Variants in NTM observed in about 807,000 individuals in gnomAD.
NTM encodes the protein IgLON family member 2.
Under a neutral mutation model 42.1 loss-of-function variants are expected in NTM, and 13 were observed. The ratio of observed to expected loss-of-function variants is 0.31; its 90% CI spans 0.20 to 0.49. The LOEUF (loss-of-function observed/expected upper bound fraction) is 0.49, where lower values mean the gene tolerates loss of function less well. NTM is among the 20% of genes least tolerant of loss of function. The pLI is 0.99. For missense variants in NTM, 373 were observed against 452.8 expected, an observed-to-expected ratio of 0.82 and a Z score of 1.60; for synonymous variants, 187 against 179.2, an observed-to-expected ratio of 1.04 and a Z score of -0.35.
At chr11:131,908,910 T>C (rs61344682) in intron 1 of NTM, among the ~76,000 whole-genome samples, 19,504 of 152,240 alleles carry the variant, frequency 0.13, 1,341 homozygotes, top group African/African-American at 0.15. Context: ...GCAGATGTAA[T>C]TGTTTATTCC....
At chr11:132,314,516 C>CTTGT (rs771073275) in intron 6 of NTM, 36 bp from the exon 7 acceptor site, 1 of 1,588,280 alleles carries the variant, frequency 6.3e-7, no homozygotes, top group Non-Finnish European at 8.6e-7. Flanking sequence ...ACATAACCAT[C>CTTGT]TTGTTTTCTT....
At chr11:131,521,422 T>TTTTGTTGG in intron 1 of NTM, among the ~76,000 whole-genome samples, 1 of 81,794 alleles carries the variant, frequency 1.2e-5, no homozygotes, top group Non-Finnish European at 2.2e-5. Context: ...TTTTTTTTTT[T>TTTTGTTGG]GAGACGGGAG....
At chr11:131,812,783 A>G (rs1414018034) in intron 1 of NTM, among the ~76,000 whole-genome samples, 1 of 152,178 alleles carries the variant, frequency 6.6e-6, no homozygotes. Context: ...TGGAGAGGGA[A>G]GATGACTGCA....
chr11:132,104,765 C>T (rs1444195703), intron 2 of NTM, among the ~76,000 whole-genome samples: 1 of 149,084 alleles, frequency 6.7e-6, no homozygotes, highest in African/African-American at 2.5e-5. Flanking sequence ...ATTATCTGAG[C>T]ATGGTGGTAC....
chr11:131,383,784 A>T (rs1380893109), intron 1 of NTM, among the ~76,000 whole-genome samples: 2 of 152,142 alleles, frequency 1.3e-5, no homozygotes, highest in Non-Finnish European at 2.9e-5. Context: ...AAACAACATG[A>T]TTTGGGTTCG....
intron 1 of NTM, among the ~76,000 whole-genome samples, chr11:131,880,326 C>G (rs7101789): frequency 0.36 from 54,576 of 152,032 alleles, 10,398 homozygotes; most frequent in East Asian, 0.5. Context: ...GCAAACAGAC[C>G]TGGATCTAAT....
chr11:132,109,817 C>G (rs1259090939), intron 2 of NTM, among the ~76,000 whole-genome samples: 1 of 152,200 alleles, frequency 6.6e-6, no homozygotes, highest in Non-Finnish European at 1.5e-5. Flanking sequence ...TTCCAAATCC[C>G]AAAGTCCATT....
chr11:132,181,820 ACTATGTATGCAAATT>A (rs1374667284), intron 3 of NTM, among the ~76,000 whole-genome samples: 1 of 152,046 alleles, frequency 6.6e-6, no homozygotes, highest in East Asian at 1.9e-4. Flanking sequence ...TGCATTTTTA[ACTATGTATGCAAATT>A]CCTTGACCAG....
At chr11:131,371,497 C>G (rs1299344143) in intron 1 of NTM, among the ~76,000 whole-genome samples, 2 of 151,438 alleles carry the variant, frequency 1.3e-5, no homozygotes, top group Non-Finnish European at 2.9e-5. Flanking sequence ...GGTGTGGAAG[C>G]GAGGGGAGCC....
intron 3 of NTM, among the ~76,000 whole-genome samples, chr11:132,172,117 A>G (rs1002944289): frequency 6.6e-6 from 1 of 152,204 alleles, no homozygotes; most frequent in South Asian, 2.1e-4. Context: ...AGTGACCAAA[A>G]TGAGTTAAGT....
chr11:132,307,270 T>C (rs2095122238), intron 4 of NTM, among the ~76,000 whole-genome samples: 1 of 152,260 alleles, frequency 6.6e-6, no homozygotes, highest in Non-Finnish European at 1.5e-5. Flanking sequence ...AATTAATTTA[T>C]GCTCAAGTGT....
At chr11:131,933,640 G>C (rs1022497846) in intron 2 of NTM, among the ~76,000 whole-genome samples, 2 of 151,872 alleles carry the variant, frequency 1.3e-5, no homozygotes, top group African/African-American at 4.8e-5. Flanking sequence ...TATTAAGTTA[G>C]TGCTTTAGTG....
intron 1 of NTM, among the ~76,000 whole-genome samples, chr11:131,802,479 C>T (rs957418155): frequency 1.3e-5 from 2 of 152,350 alleles, no homozygotes; most frequent in East Asian, 1.9e-4. Flanking sequence ...GGGCACATGC[C>T]ACCCATCCCC....
intron 1 of NTM, among the ~76,000 whole-genome samples, chr11:131,572,116 G>A (rs936496137): frequency 6.6e-6 from 1 of 152,192 alleles, no homozygotes; most frequent in African/African-American, 2.4e-5. Flanking sequence ...TGGTGGGTCA[G>A]TGTGTAGCCG....
chr11:131,702,622 C>T (rs2076189207), intron 1 of NTM, among the ~76,000 whole-genome samples: 1 of 152,174 alleles, frequency 6.6e-6, no homozygotes, highest in Non-Finnish European at 1.5e-5. Context: ...AATGAACCAT[C>T]TCTCTAATAG....
At chr11:131,497,263 A>G (rs1955447028) in intron 1 of NTM, among the ~76,000 whole-genome samples, 1 of 152,118 alleles carries the variant, frequency 6.6e-6, no homozygotes, top group African/African-American at 2.4e-5. Flanking sequence ...ATCTCGGCCC[A>G]CTGCATCCTC....
intron 2 of NTM, among the ~76,000 whole-genome samples, chr11:131,923,448 T>A (rs2057507880): frequency 6.6e-6 from 1 of 152,212 alleles, no homozygotes; most frequent in Admixed American, 6.5e-5. Flanking sequence ...GATTGGGTGT[T>A]ATTAAACAGA....
At chr11:131,888,975 C>T (rs1407989081) in intron 1 of NTM, among the ~76,000 whole-genome samples, 1 of 151,722 alleles carries the variant, frequency 6.6e-6, no homozygotes, top group Non-Finnish European at 1.5e-5. Flanking sequence ...GGTGCAGCCT[C>T]TCTTTTCATT....
intron 1 of NTM, among the ~76,000 whole-genome samples, chr11:131,777,825 T>C (rs1029626666): frequency 6.6e-6 from 1 of 152,188 alleles, no homozygotes; most frequent in African/African-American, 2.4e-5. Flanking sequence ...TTTCCATAAA[T>C]AGAAACACTG....
Sources: allele counts gnomAD v4.1 joint callset (sites outside exome capture counted in the v4.1 genomes callset), GRCh38; gene constraint gnomAD v4.1.1; transcripts MANE v1.5; gene names NCBI Gene and HGNC (gene_info 2026-07-23, HGNC 2026-07-21).